Variants in TET2 observed in about 807,000 individuals in gnomAD.
TET2 encodes the protein methylcytosine dioxygenase TET2.
In TET2, 299 loss-of-function variants were observed where a neutral mutation model predicts 142.9. The ratio of observed to expected loss-of-function variants is 2.09; its 90% CI spans 1.90 to 2.30. TET2 has a LOEUF of 2.30. Among genes scored for constraint, TET2 ranks in the 30% most tolerant of loss-of-function variants. The probability of loss-of-function intolerance (pLI) is 0.00; values close to 1 mark genes in which losing one functional copy is unlikely to be tolerated. For synonymous variants in TET2, 819 were observed against 849.0 expected (o/e 0.96, Z 0.61); for missense variants, 2,418 against 2,378.0 (o/e 1.02, Z -0.35).
intron 8 of TET2, among the ~76,000 whole-genome samples, chr4:105,268,691 C>T (rs1447805256): frequency 1.3e-5 from 2 of 152,132 alleles, no homozygotes; most frequent in East Asian, 1.9e-4. Context: ...TTGATATTGC[C>T]CAGGCGCAGT....
At chr4:105,203,032 T>TAATCCAAGAGACAAATCC in intron 2 of TET2, among the ~76,000 whole-genome samples, 1 of 152,226 alleles carries the variant, frequency 6.6e-6, no homozygotes, top group East Asian at 1.9e-4. Context: ...GTACTTGGAT[T>TAATCCAAGAGACAAATCC]TGTCTCTTAT....
Position 105,243,761 on chromosome 4 carries a change from G to C in TET2, c.3786G>C (p.Arg1262=), listed in dbSNP as rs1459243966. ...AATACGGCACGCTCACCAATCGCCG[G>C]TGTGCCTTGAATGAAGAGTAAGTGA... is the stretch of plus-strand genomic sequence containing the variant. ...LRKYGTLTNR[R]CALNEERTCA... The change falls in exon 6 of 11, where the codon CGG becomes CGC. Residue 1262 remains arginine (R), a synonymous_variant. Transcript: ENST00000380013. 1 of 1,551,436 alleles carries C rather than the reference G, an allele frequency of 6.4e-7. No homozygotes were observed.
intron 8 of TET2, 116 bp downstream of exon 8, chr4:105,261,964 A>C (rs1376636306): frequency 1.5e-6 from 1 of 677,908 alleles, no homozygotes; most frequent in Non-Finnish European, 2.5e-6. Context: ...TTTTCCTCTT[A>C]ATTGTTGAAA....
intron 10 of TET2, 34 bp from the exon 11 acceptor site, chr4:105,275,014 T>TA (rs1560572746): frequency 6.8e-7 from 1 of 1,467,234 alleles, no homozygotes; most frequent in Non-Finnish European, 9.0e-7. Context: ...ACATCAAAGA[T>TA]ACCTGTTTCT....
At chr4:105,186,184 C>T (rs1226944860) in intron 1 of TET2, among the ~76,000 whole-genome samples, 1 of 152,072 alleles carries the variant, frequency 6.6e-6, no homozygotes, top group East Asian at 1.9e-4. Context: ...GAGCCGAGAT[C>T]GTGCCACTGC....
chr4:105,165,521 A>G (rs911454187), intron 1 of TET2, among the ~76,000 whole-genome samples: 1 of 152,244 alleles, frequency 6.6e-6, no homozygotes, highest in African/African-American at 2.4e-5. Flanking sequence ...TTAACGGTTT[A>G]AAAATACATT....
chr4:105,265,198 CTATT>C (rs746782377), intron 8 of TET2, among the ~76,000 whole-genome samples: 7 of 152,148 alleles, frequency 4.6e-5, no homozygotes, highest in African/African-American at 7.2e-5. Context: ...GAAATATTCT[CTATT>C]TATGCTGTTC....
At chr4:105,192,967 G>A (rs112209908) in intron 2 of TET2, among the ~76,000 whole-genome samples, 17 of 152,146 alleles carry the variant, frequency 1.1e-4, no homozygotes, top group African/African-American at 3.6e-4. Flanking sequence ...GTGGAGAACA[G>A]CCAAAAGACC....
Position 105,191,179 on chromosome 4 carries a change from G to A in TET2, c.-47+674G>A, listed in dbSNP as rs140775493. 6.7e-3 allele frequency among the ~76,000 whole-genome samples: 1,016 copies of A among 152,224 alleles called. 5 individuals are homozygous for A. The highest frequency in any genetic ancestry group is 0.011 in the Non-Finnish European group (748 of 68,002). On this transcript the variant is annotated intron_variant, in intron 2 of 10. Coordinates refer to ENST00000380013, the MANE Select transcript of TET2 (RefSeq NM_001127208.3). ...TGGGATTACAGGTGCATGCCCCCAG[G>A]CCCAGTTCATATGATTTTCTGAAAA...
intron 2 of TET2, among the ~76,000 whole-genome samples, chr4:105,216,627 A>G (rs970399701): frequency 2.0e-5 from 3 of 152,082 alleles, no homozygotes; most frequent in Non-Finnish European, 1.5e-5. Context: ...TTTAAAAGTA[A>G]TGATTTGCCA....
chr4:105,252,887 G>T (rs996769590), intron 6 of TET2, among the ~76,000 whole-genome samples: 1 of 152,108 alleles, frequency 6.6e-6, no homozygotes, highest in African/African-American at 2.4e-5. Flanking sequence ...ATTTCTTAAA[G>T]ACTATCTTTG....
chr4:105,190,549 T>A, intron 2 of TET2, 44 bp downstream of exon 2: 1 of 694,172 alleles, frequency 1.4e-6, no homozygotes, highest in South Asian at 1.5e-5. Context: ...CAAGTATGAA[T>A]TTATTCCTAA....
intron 1 of TET2, among the ~76,000 whole-genome samples, chr4:105,169,272 T>C (rs1474515736): frequency 6.6e-6 from 1 of 152,094 alleles, no homozygotes; most frequent in Non-Finnish European, 1.5e-5. Flanking sequence ...TTATTGCCGT[T>C]CTTGCAGGAG....
chr4:105,246,755 A>C (rs1298469147), intron 6 of TET2, among the ~76,000 whole-genome samples: 14 of 152,246 alleles, frequency 9.2e-5, no homozygotes. Flanking sequence ...TTTATGTTCA[A>C]AGCTGTGTGA....
intron 1 of TET2, among the ~76,000 whole-genome samples, chr4:105,162,535 A>C (rs2110382999): frequency 6.6e-6 from 1 of 152,262 alleles, no homozygotes; most frequent in Admixed American, 6.5e-5. Context: ...GTAGCTTTTA[A>C]CCCTGACAAG....
intron 1 of TET2, among the ~76,000 whole-genome samples, chr4:105,152,816 C>G (rs547203128): frequency 2.0e-5 from 3 of 152,144 alleles, no homozygotes; most frequent in Non-Finnish European, 4.4e-5. Flanking sequence ...AGGCTGATCT[C>G]GTACTCCTGG....
intron 1 of TET2, among the ~76,000 whole-genome samples, chr4:105,172,027 G>A (rs139236635): frequency 6.6e-6 from 1 of 152,060 alleles, no homozygotes; most frequent in Non-Finnish European, 1.5e-5. Context: ...AAAGCCTACT[G>A]TTTCTTCATC....
At chr4:105,152,291 AAATAAT>A (rs1195668464) in intron 1 of TET2, among the ~76,000 whole-genome samples, 1 of 152,132 alleles carries the variant, frequency 6.6e-6, no homozygotes, top group Non-Finnish European at 1.5e-5. Context: ...AAAAAAAGAA[AAATAAT>A]AATAATAAAT....
chr4:105,168,214 T>C (rs1724265151), intron 1 of TET2, among the ~76,000 whole-genome samples: 1 of 152,156 alleles, frequency 6.6e-6, no homozygotes, highest in Admixed American at 6.6e-5. Context: ...TTAAAACCAT[T>C]AATGGGTCTC....
Sources: gnomAD v4.1 joint callset for allele counts (sites outside exome capture counted in the v4.1 genomes callset) on GRCh38, gnomAD v4.1.1 for gene constraint, MANE v1.5 for transcripts, NCBI Gene and HGNC (gene_info 2026-07-23, HGNC 2026-07-21) for gene names.